LARP7: variants seen among roughly 807,000 people sequenced by gnomAD.
The protein encoded by LARP7 is La ribonucleoprotein 7, transcriptional regulator.
In LARP7, 52 loss-of-function variants were observed where a neutral mutation model predicts 69.3. The ratio of observed to expected loss-of-function variants is 0.75; its 90% CI spans 0.60 to 0.95. The LOEUF (loss-of-function observed/expected upper bound fraction) is 0.95, where lower values mean the gene tolerates loss of function less well. Among genes scored for constraint, LARP7 ranks in the 40% least tolerant of loss-of-function variants. The pLI is 0.00. For synonymous variants in LARP7, 254 were observed against 215.9 expected, an observed-to-expected ratio of 1.18 and a Z score of -1.55; for missense variants, 733 against 673.0, an observed-to-expected ratio of 1.09 and a Z score of -0.99.
intron 1 of LARP7, among the ~76,000 whole-genome samples, chr4:112,640,064 G>A (rs1292462424): frequency 3.3e-5 from 5 of 151,942 alleles, no homozygotes; most frequent in African/African-American, 7.3e-5. Context: ...TCAGCCTCCC[G>A]AGTAGCTGGC....
chr4:112,644,699 G>A lies in LARP7; in HGVS notation c.30G>A (p.Lys10=). The A allele has an allele frequency of 1.2e-6, 2 of 1,609,234 alleles. No individual in the cohort carries two copies. The highest frequency in any genetic ancestry group is 1.7e-6 in the Non-Finnish European group (2 of 1,177,422). ...AAACTGAAAGTGGAAATCAGGAAAA[G>A]GTAATGGAAGAAGAAAGCACTGAAA... METESGNQE[K]VMEEESTEKK... is the part of the protein sequence containing the mutation. The change falls in exon 2 of 13, where the codon AAG becomes AAA. Residue 10 remains lysine (K), a synonymous_variant. Transcript: ENST00000344442.
intron 11 of LARP7, 33 bp downstream of exon 11, chr4:112,653,269 G>A: frequency 1.4e-6 from 2 of 1,470,822 alleles, no homozygotes; most frequent in Non-Finnish European, 1.8e-6. Context: ...TTTTTTTTTT[G>A]TTATCATCCT....
At position 112,641,192 on chromosome 4, in the gene LARP7, G is replaced by A. The variant is rs146919747; in HGVS notation, c.-2-3476G>A. ...AAGGCAGGCAGATCACCTGAGGTCA[G>A]GTGGCCAACATGATGAAACCCCGTC... On this transcript the variant is annotated intron_variant, in intron 1 of 12. Coordinates refer to ENST00000344442, the MANE Select transcript of LARP7 (RefSeq NM_016648.4). Among the ~76,000 whole-genome samples the A allele has an allele frequency of 5.2e-3, 798 of 152,120 alleles. 12 individuals carry two copies. The highest frequency in any genetic ancestry group is 0.017 in the African/African-American group (709 of 41,536).
At chr4:112,640,408 A>G (rs1027729805) in intron 1 of LARP7, among the ~76,000 whole-genome samples, 1 of 152,168 alleles carries the variant, frequency 6.6e-6, no homozygotes, top group Non-Finnish European at 1.5e-5. Context: ...AGACAATAAA[A>G]TTAAAATTCC....
intron 12 of LARP7, 155 bp downstream of exon 12, chr4:112,654,314 C>T: frequency 2.0e-6 from 1 of 505,410 alleles, no homozygotes; most frequent in Non-Finnish European, 3.5e-6. Flanking sequence ...AGGGAAAAGT[C>T]ATTTCTCTAG....
chr4:112,657,203 T>A lies in LARP7; in HGVS notation c.1669-44T>A, dbSNP rs370670002. ...GTGTGTGTGTGTGTGTGTGTGTGTT[T>A]TGAGTATCCAATACATTTTAATTTT... is the stretch of plus-strand genomic sequence containing the variant. On this transcript the variant is annotated intron_variant, in intron 12 of 12. Coordinates refer to ENST00000344442, the MANE Select transcript of LARP7 (RefSeq NM_016648.4). 3.3e-5 allele frequency: 32 copies of A among 971,960 alleles called. No individual in the cohort carries two copies. The African/African-American group carries it at 4.7e-4, about 14-fold the overall frequency. The allele number at this position is 971,960 out of a possible 1,614,324, so 60.2% of individuals were successfully genotyped here.
chr4:112,641,297 G>A (rs1479969298), intron 1 of LARP7, among the ~76,000 whole-genome samples: 1 of 151,838 alleles, frequency 6.6e-6, no homozygotes, highest in African/African-American at 2.4e-5. Context: ...GTTAAGGCAG[G>A]AGAATCTCTT....
chr4:112,650,421 G>C (rs767589745), intron 9 of LARP7, 40 bp from the exon 10 acceptor site: 2 of 1,607,834 alleles, frequency 1.2e-6, no homozygotes, highest in Non-Finnish European at 1.7e-6. Context: ...GTTGTTAAGT[G>C]TAAGAGATTT....
intron 10 of LARP7, 92 bp downstream of exon 10, chr4:112,650,674 T>G: frequency 7.4e-7 from 1 of 1,342,388 alleles, no homozygotes; most frequent in African/African-American, 1.5e-5. Flanking sequence ...ATAAAACAAA[T>G]CAAGTTAGAA....
intron 1 of LARP7, among the ~76,000 whole-genome samples, chr4:112,639,411 T>C (rs2047866438): frequency 6.6e-6 from 1 of 152,064 alleles, no homozygotes. Context: ...TTTGTATTTT[T>C]AGTAGAGACG....
chr4:112,651,335 C>T (rs1340055797), intron 10 of LARP7, among the ~76,000 whole-genome samples: 2 of 152,112 alleles, frequency 1.3e-5, no homozygotes, highest in Non-Finnish European at 2.9e-5. Context: ...TGTAAGCCCT[C>T]CTTATCTGAA....
At chr4:112,637,924 A>G (rs1003264067) in intron 1 of LARP7, 1 of 152,294 alleles carries the variant, frequency 6.6e-6, no homozygotes, top group African/African-American at 2.4e-5. Context: ...AATGATTCTT[A>G]ACCTGTTGTG....
chr4:112,643,753 A>C (rs1387379760), intron 1 of LARP7, among the ~76,000 whole-genome samples: 1 of 152,108 alleles, frequency 6.6e-6, no homozygotes, highest in Non-Finnish European at 1.5e-5. Flanking sequence ...TGGGAGGCTG[A>C]GGCAGGGAGA....
In LARP7 at chr4:112,646,841, G is replaced by A. The variant is rs760214219; in HGVS notation, c.438G>A (p.Gly146=). The A allele has an allele frequency of 6.2e-7, 1 of 1,606,008 alleles. No individual in the cohort carries two copies. Among genetic ancestry groups the A allele is most frequent in the South Asian group, 1.1e-5 (1 of 88,850 alleles). The change falls in exon 5 of 13, where the codon GGG becomes GGA. Residue 146 remains glycine, a synonymous_variant. Coordinates refer to ENST00000344442, the MANE Select transcript of LARP7 (RefSeq NM_016648.4). Reference sequence around the variant, plus strand: ...ACAGCTGGATTGAAAGAGTATTTGGGAAATGTGGCAATGTTGTTTATATAA... The same window carrying A: ...ACAGCTGGATTGAAAGAGTATTTGGAAAATGTGGCAATGTTGTTTATATAA... ...VNHSWIERVF[G]KCGNVVYISI... is the part of the protein sequence containing the mutation.
In LARP7 at chr4:112,647,906, A is replaced by G. The variant is rs369489772; in HGVS notation, c.1142+72A>G. ...CATTGCTAAAGTGCAATTCCAATTT[A>G]TATTCAACAGAGTTGCATATTAGCA... is the stretch of plus-strand genomic sequence containing the variant. On this transcript the variant is annotated intron_variant, in intron 8 of 12. Coordinates refer to ENST00000344442, the MANE Select transcript of LARP7 (RefSeq NM_016648.4). The G allele has an allele frequency of 2.7e-6, 3 of 1,100,576 alleles. No individual in the cohort carries two copies. In the South Asian group the frequency reaches 3.7e-5, roughly 14 times the overall value. 68.2% of individuals were successfully genotyped at this position (1,100,576 alleles called of 1,614,324 possible).
intron 12 of LARP7, 135 bp from the exon 13 acceptor site, chr4:112,657,109 CGCT>C: frequency 2.3e-6 from 1 of 428,784 alleles, no homozygotes. Flanking sequence ...GTCATCTTCT[CGCT>C]GTTTTTAAAA....
At chr4:112,639,344 A>G (rs1052245736) in intron 1 of LARP7, among the ~76,000 whole-genome samples, 5 of 150,996 alleles carry the variant, frequency 3.3e-5, no homozygotes, top group African/African-American at 1.2e-4. Context: ...CAAGTAGCTG[A>G]GACTACAGGC....
rs1446456403 is a variant in LARP7 at position 112,647,358 on chromosome 4, A to G, written c.806A>G (p.Gln269Arg). 2 of 1,613,936 alleles carry G rather than the reference A, an allele frequency of 1.2e-6. No individual in the cohort carries two copies. The highest frequency in any genetic ancestry group is 1.3e-5 in the African/African-American group (1 of 74,930). Residue 269 changes from glutamine (Q) to arginine (R), a missense_variant, in exon 7 of 13, where the codon CAA (glutamine) becomes CGA (arginine). Gln to Arg is a conservative substitution (Grantham distance 43). Transcript: ENST00000344442. The part of the protein sequence containing the change: ...EGSDIESTEP[Q>R]KQCSKKKKKR... ...TCTGACATTGAGTCCACTGAACCCC[A>G]AAAGCAGTGCTCAAAGAAAAAGAAA...
At chr4:112,651,774 T>C (rs2048751504) in intron 10 of LARP7, among the ~76,000 whole-genome samples, 1 of 152,106 alleles carries the variant, frequency 6.6e-6, no homozygotes, top group Non-Finnish European at 1.5e-5. Context: ...ATTCTAAGGG[T>C]TTTAAATCAA....
Sources: gnomAD v4.1 joint callset for allele counts (sites outside exome capture counted in the v4.1 genomes callset) on GRCh38, gnomAD v4.1.1 for gene constraint, MANE v1.5 for transcripts, NCBI Gene and HGNC (gene_info 2026-07-23, HGNC 2026-07-21) for gene names.